Variants in NRXN3 observed in about 807,000 individuals in gnomAD.
NRXN3 encodes neurexin III.
Under a neutral mutation model 137.6 loss-of-function variants are expected in NRXN3, and 32 were observed. That is an observed-to-expected ratio of 0.23 (90% CI 0.18 to 0.31). The LOEUF (loss-of-function observed/expected upper bound fraction) is 0.31. Among genes scored for constraint, NRXN3 ranks in the 10% least tolerant of loss-of-function variants. NRXN3 has a pLI of 1.00. For missense variants in NRXN3, 1,574 were observed against 2,062.5 expected, an observed-to-expected ratio of 0.76 and a Z score of 4.59; for synonymous variants, 798 against 784.5, an observed-to-expected ratio of 1.02 and a Z score of -0.29.
At chr14:78,187,607 G>GATGGCCA (rs2060343915) in intron 1 of NRXN3, among the ~76,000 whole-genome samples, 1 of 152,080 alleles carries the variant, frequency 6.6e-6, no homozygotes, top group Non-Finnish European at 1.5e-5. Context: ...CAGTAATAAC[G>GATGGCCA]ATGGCCAAAT....
At chr14:78,747,561 T>C (rs752432017) in intron 8 of NRXN3, among the ~76,000 whole-genome samples, 8 of 152,224 alleles carry the variant, frequency 5.3e-5, no homozygotes, top group Non-Finnish European at 1.0e-4. Flanking sequence ...GTTGATTTTC[T>C]TTTTCCTAAT....
chr14:79,136,935 C>G (rs868355475), intron 15 of NRXN3, among the ~76,000 whole-genome samples: 3 of 152,172 alleles, frequency 2.0e-5, no homozygotes, highest in Admixed American at 6.5e-5. Flanking sequence ...CAGGAGGCAT[C>G]CATGGAACAA....
At chr14:79,836,588 C>A (rs1040862194) in intron 20 of NRXN3, among the ~76,000 whole-genome samples, 1 of 152,162 alleles carries the variant, frequency 6.6e-6, no homozygotes, top group Non-Finnish European at 1.5e-5. Context: ...AGAGAAAGAG[C>A]TGCTTACAGC....
intron 4 of NRXN3, among the ~76,000 whole-genome samples, chr14:78,554,061 G>A (rs1239789187): frequency 6.6e-6 from 1 of 152,184 alleles, no homozygotes; most frequent in Non-Finnish European, 1.5e-5. Context: ...AGGTAAGTGG[G>A]TGGCAGAGAG....
chr14:79,660,618 A>C (rs2098528694), intron 16 of NRXN3, among the ~76,000 whole-genome samples: 1 of 152,164 alleles, frequency 6.6e-6, no homozygotes, highest in South Asian at 2.1e-4. Flanking sequence ...CAGCGAACTC[A>C]CTGAGCCAGA....
intron 15 of NRXN3, among the ~76,000 whole-genome samples, chr14:79,063,853 C>G (rs1477805222): frequency 6.6e-6 from 1 of 151,886 alleles, no homozygotes; most frequent in Admixed American, 6.6e-5. Flanking sequence ...ATTGTGGGTC[C>G]TTTTTGTATA....
intron 16 of NRXN3, among the ~76,000 whole-genome samples, chr14:79,650,448 C>T (rs551535903): frequency 1.3e-5 from 2 of 152,200 alleles, no homozygotes; most frequent in South Asian, 4.1e-4. Flanking sequence ...TATTTAATCT[C>T]CATCATCACC....
chr14:78,755,964 C>G (rs779753562), intron 8 of NRXN3, among the ~76,000 whole-genome samples: 29 of 152,236 alleles, frequency 1.9e-4, no homozygotes, highest in Non-Finnish European at 4.1e-4. Context: ...CCAAATACTT[C>G]CAGTTGAAAA....
At chr14:78,413,330 G>A (rs2092941213) in intron 4 of NRXN3, among the ~76,000 whole-genome samples, 1 of 152,184 alleles carries the variant, frequency 6.6e-6, no homozygotes, top group Non-Finnish European at 1.5e-5. Context: ...TTGTTGCCCA[G>A]GCTGGAGTGC....
At chr14:79,520,731 C>A (rs2097056270) in intron 16 of NRXN3, among the ~76,000 whole-genome samples, 2 of 152,106 alleles carry the variant, frequency 1.3e-5, no homozygotes, top group Non-Finnish European at 2.9e-5. Context: ...CCATCTCATG[C>A]AAGTTAGAAT....
chr14:78,180,125 G>A (rs2059683967), intron 1 of NRXN3, among the ~76,000 whole-genome samples: 2 of 152,126 alleles, frequency 1.3e-5, no homozygotes, highest in Admixed American at 1.3e-4. Context: ...TGGGATTATA[G>A]GCATGAGCCA....
At chr14:79,781,629 CAG>C (rs1357136306) in intron 19 of NRXN3, among the ~76,000 whole-genome samples, 1 of 152,180 alleles carries the variant, frequency 6.6e-6, no homozygotes, top group Non-Finnish European at 1.5e-5. Context: ...CAGTCTGGAG[CAG>C]AGACACGGTG....
At chr14:79,189,562 T>C (rs961994859) in intron 15 of NRXN3, among the ~76,000 whole-genome samples, 2 of 152,088 alleles carry the variant, frequency 1.3e-5, no homozygotes, top group African/African-American at 2.4e-5. Flanking sequence ...GTCCCTTTCT[T>C]CTTTATCTCT....
chr14:78,926,781 A>T (rs1395066972), intron 10 of NRXN3, among the ~76,000 whole-genome samples: 23 of 36,538 alleles, frequency 6.3e-4, no homozygotes, highest in African/African-American at 1.5e-3. Context: ...TTATATATAT[A>T]AAATATATTA....
chr14:78,282,694 C>A (rs997829070), intron 3 of NRXN3, among the ~76,000 whole-genome samples: 3 of 152,138 alleles, frequency 2.0e-5, no homozygotes, highest in African/African-American at 7.2e-5. Flanking sequence ...CTCTTGATCT[C>A]CGCCCCGTAT....
chr14:78,336,889 G>A (rs2081537541), intron 4 of NRXN3, among the ~76,000 whole-genome samples: 1 of 152,146 alleles, frequency 6.6e-6, no homozygotes, highest in South Asian at 2.1e-4. Flanking sequence ...TAGGCTCTAA[G>A]CCAGGTCATT....
At chr14:79,822,644 A>G (rs992473742) in intron 20 of NRXN3, among the ~76,000 whole-genome samples, 2 of 152,190 alleles carry the variant, frequency 1.3e-5, no homozygotes, top group East Asian at 1.9e-4. Context: ...GCCTTTTTAC[A>G]TGTAAAGTTT....
chr14:78,537,855 A>C (rs2096551221), intron 4 of NRXN3, among the ~76,000 whole-genome samples: 1 of 152,154 alleles, frequency 6.6e-6, no homozygotes, highest in Non-Finnish European at 1.5e-5. Flanking sequence ...AGCACCATTT[A>C]TTAAATAGGG....
chr14:79,314,822 C>G (rs1229335338), intron 15 of NRXN3, among the ~76,000 whole-genome samples: 1 of 148,070 alleles, frequency 6.8e-6, no homozygotes, highest in Non-Finnish European at 1.5e-5. Context: ...CCTCACACGG[C>G]AGGGTATTCC....
Sources: allele counts gnomAD v4.1 joint callset (sites outside exome capture counted in the v4.1 genomes callset), GRCh38; gene constraint gnomAD v4.1.1; transcripts MANE v1.5; gene names NCBI Gene and HGNC (gene_info 2026-07-23, HGNC 2026-07-21).